SGCZ: variants seen among roughly 807,000 people sequenced by gnomAD.
SGCZ encodes the protein zeta-sarcoglycan.
SGCZ carries 40 observed loss-of-function variants against 41.3 expected under a neutral mutation model. The observed-to-expected ratio is 0.97, with a 90% CI of 0.75 to 1.26. The LOEUF is 1.26. SGCZ is among the 50% of genes most tolerant of loss of function. SGCZ has a pLI of 0.00. For synonymous variants in SGCZ, 206 were observed against 137.5 expected, an observed-to-expected ratio of 1.50 and a Z score of -3.49; for missense variants, 552 against 369.8, an observed-to-expected ratio of 1.49 and a Z score of -4.04.
chr8:14,636,618 G>A (rs1190002972), intron 1 of SGCZ, among the ~76,000 whole-genome samples: 1 of 151,814 alleles, frequency 6.6e-6, no homozygotes. Context: ...GGTTTCAGGT[G>A]TCATTGAGAC....
chr8:15,107,860 G>A (rs563738588), intron 1 of SGCZ, among the ~76,000 whole-genome samples: 3 of 152,134 alleles, frequency 2.0e-5, no homozygotes, highest in South Asian at 2.1e-4. Flanking sequence ...GATCAATTTT[G>A]GAGATTTGTA....
chr8:14,768,736 T>G (rs774191287), intron 1 of SGCZ, among the ~76,000 whole-genome samples: 5 of 151,894 alleles, frequency 3.3e-5, no homozygotes, highest in Non-Finnish European at 7.4e-5. Context: ...ACAGAACACT[T>G]ACAGATGGAG....
At chr8:14,920,836 A>C (rs903078798) in intron 1 of SGCZ, among the ~76,000 whole-genome samples, 2 of 152,178 alleles carry the variant, frequency 1.3e-5, no homozygotes, top group Non-Finnish European at 2.9e-5. Context: ...GGTTTCATTA[A>C]GAATTATTTG....
intron 2 of SGCZ, among the ~76,000 whole-genome samples, chr8:14,413,828 C>A (rs190271478): frequency 4.0e-5 from 6 of 151,886 alleles, no homozygotes; most frequent in South Asian, 2.1e-4. Context: ...TTAGATAGAA[C>A]ATAAATCCTA....
chr8:14,394,519 G>T (rs1160209570), intron 2 of SGCZ, among the ~76,000 whole-genome samples: 1 of 152,132 alleles, frequency 6.6e-6, no homozygotes, highest in Non-Finnish European at 1.5e-5. Context: ...GATGACACAT[G>T]TACATCTTGA....
intron 1 of SGCZ, among the ~76,000 whole-genome samples, chr8:14,961,089 T>A (rs1015158679): frequency 5.9e-5 from 9 of 152,188 alleles, no homozygotes; most frequent in Admixed American, 1.3e-4. Context: ...GGCGGCAAGC[T>A]GTGAATCAAT....
chr8:14,276,600 C>T (rs1800242388), intron 3 of SGCZ, among the ~76,000 whole-genome samples: 1 of 152,118 alleles, frequency 6.6e-6, no homozygotes, highest in Non-Finnish European at 1.5e-5. Context: ...GTTTCAGGTG[C>T]TCACTTCTCA....
intron 1 of SGCZ, among the ~76,000 whole-genome samples, chr8:15,071,576 T>C (rs1202706297): frequency 6.6e-6 from 1 of 152,220 alleles, no homozygotes; most frequent in Admixed American, 6.5e-5. Flanking sequence ...GAAAGGACTA[T>C]GCAACCATTC....
chr8:14,100,935 A>T (rs914077572), intron 7 of SGCZ, among the ~76,000 whole-genome samples: 1 of 152,060 alleles, frequency 6.6e-6, no homozygotes, highest in Non-Finnish European at 1.5e-5. Context: ...ATAACACAAG[A>T]AGAAAATAAA....
At chr8:14,937,610 T>A (rs987174209) in intron 1 of SGCZ, among the ~76,000 whole-genome samples, 14 of 152,102 alleles carry the variant, frequency 9.2e-5, no homozygotes, top group African/African-American at 3.4e-4. Flanking sequence ...CGTACGCATA[T>A]AGAGGAACCA....
intron 1 of SGCZ, among the ~76,000 whole-genome samples, chr8:14,988,183 C>T (rs926704055): frequency 6.6e-5 from 10 of 151,602 alleles, no homozygotes; most frequent in Non-Finnish European, 1.5e-4. Flanking sequence ...CTGTGATATC[C>T]AAACAGTATA....
chr8:14,742,041 A>G (rs1157091031), intron 1 of SGCZ, among the ~76,000 whole-genome samples: 1 of 152,114 alleles, frequency 6.6e-6, no homozygotes. Context: ...TAATTACAAT[A>G]GTAAGAAAAT....
chr8:14,257,972 C>G (rs1799523987), intron 3 of SGCZ, among the ~76,000 whole-genome samples: 1 of 152,068 alleles, frequency 6.6e-6, no homozygotes, highest in Non-Finnish European at 1.5e-5. Flanking sequence ...CAATTTGCTG[C>G]AGTGTCTCGA....
chr8:15,226,968 A>G (rs1280181810), intron 1 of SGCZ, among the ~76,000 whole-genome samples: 1 of 152,212 alleles, frequency 6.6e-6, no homozygotes, highest in Non-Finnish European at 1.5e-5. Flanking sequence ...AACAAGACGA[A>G]GAACATACGA....
At chr8:15,154,299 G>C (rs752110184) in intron 1 of SGCZ, among the ~76,000 whole-genome samples, 10 of 152,216 alleles carry the variant, frequency 6.6e-5, no homozygotes, top group Non-Finnish European at 1.2e-4. Context: ...CCTGTGGGCT[G>C]TGAGTCACCT....
At chr8:14,209,325 A>G (rs1805720257) in intron 4 of SGCZ, among the ~76,000 whole-genome samples, 2 of 151,908 alleles carry the variant, frequency 1.3e-5, no homozygotes, top group Admixed American at 1.3e-4. Flanking sequence ...CACCAGGGAG[A>G]GAGCTGTTCT....
At chr8:14,643,899 T>C (rs1054326754) in intron 1 of SGCZ, among the ~76,000 whole-genome samples, 15 of 151,726 alleles carry the variant, frequency 9.9e-5, no homozygotes, top group African/African-American at 3.1e-4. Flanking sequence ...CAGCTAAGAA[T>C]AGAACTGCAA....
intron 2 of SGCZ, among the ~76,000 whole-genome samples, chr8:14,462,215 TGAA>T (rs1367500706): frequency 6.6e-6 from 1 of 151,742 alleles, no homozygotes; most frequent in Non-Finnish European, 1.5e-5. Context: ...TGCACTTTTG[TGAA>T]GAAGACCTAA....
chr8:15,087,056 C>G (rs1805975338), intron 1 of SGCZ, among the ~76,000 whole-genome samples: 1 of 152,094 alleles, frequency 6.6e-6, no homozygotes, highest in South Asian at 2.1e-4. Flanking sequence ...TTGTCCTAAG[C>G]TTTCTGCCAT....
Sources: allele counts gnomAD v4.1 joint callset (sites outside exome capture counted in the v4.1 genomes callset), GRCh38; gene constraint gnomAD v4.1.1; transcripts MANE v1.5; gene names NCBI Gene and HGNC (gene_info 2026-07-23, HGNC 2026-07-21).